S100A8: variants seen among roughly 807,000 people sequenced by gnomAD.
S100A8 encodes protein S100-A8.
In S100A8, 1 loss-of-function variant was observed where a neutral mutation model predicts 4.2. The observed-to-expected ratio is 0.24, with a 90% CI of 0.08 to 1.12. The LOEUF is 1.12. Among genes scored for constraint, S100A8 ranks in the 50% most tolerant of loss-of-function variants. The pLI, the probability that S100A8 is intolerant of heterozygous loss-of-function variation, is 0.53. For missense variants in S100A8, 96 were observed against 111.8 expected, an observed-to-expected ratio of 0.86 and a Z score of 0.64; for synonymous variants, 41 against 44.7, an observed-to-expected ratio of 0.92 and a Z score of 0.33.
At chr1:153,419,438 T>C in the S100A8 span, 1 of 1,105,558 alleles carries the variant, frequency 9.0e-7, no homozygotes, top group Non-Finnish European at 1.3e-6. Context: ...AGGTTAACTT[T>C]GTTGGAGAAT....
chr1:153,411,743 T>C, the S100A8 span, among the ~76,000 whole-genome samples: 1 of 152,212 alleles, frequency 6.6e-6, no homozygotes, highest in African/African-American at 2.4e-5. Flanking sequence ...ACTACAAGGC[T>C]ACAGTAATCA....
At chr1:153,400,005 A>G in the S100A8 span, among the ~76,000 whole-genome samples, 1 of 152,102 alleles carries the variant, frequency 6.6e-6, no homozygotes, top group East Asian at 1.9e-4. Context: ...TACAACTGTG[A>G]CTTTATCCTA....
chr1:153,420,098 T>G, the S100A8 span: 1 of 152,248 alleles, frequency 6.6e-6, no homozygotes, highest in African/African-American at 2.4e-5. Context: ...GCAGTCTGGC[T>G]GGAATAAGGC....
At chr1:153,411,576 A>G in the S100A8 span, among the ~76,000 whole-genome samples, 5 of 152,246 alleles carry the variant, frequency 3.3e-5, no homozygotes, top group South Asian at 2.1e-4. Context: ...TGTAGATTCA[A>G]TGCCATCCCC....
the S100A8 span, among the ~76,000 whole-genome samples, chr1:153,417,678 T>C: frequency 2.0e-5 from 3 of 152,208 alleles, no homozygotes. Context: ...TCACCCCGAC[T>C]GTGAAGCTGG....
chr1:153,394,839 T>C (rs985413798), upstream of S100A8, among the ~76,000 whole-genome samples: 1 of 152,104 alleles, frequency 6.6e-6, no homozygotes. Flanking sequence ...ACCAAGTTTC[T>C]TAAGTGACCC....
At chr1:153,406,476 C>T in the S100A8 span, among the ~76,000 whole-genome samples, 1 of 152,080 alleles carries the variant, frequency 6.6e-6, no homozygotes, top group Non-Finnish European at 1.5e-5. Context: ...TCTCCTGGGG[C>T]CAGAGCATTG....
At chr1:153,417,672 C>T in the S100A8 span, among the ~76,000 whole-genome samples, 1 of 152,312 alleles carries the variant, frequency 6.6e-6, no homozygotes, top group Admixed American at 6.5e-5. Flanking sequence ...TGACTCTCAC[C>T]CCGACTGTGA....
upstream of S100A8, chr1:153,391,311 C>T: frequency 1.8e-6 from 1 of 544,298 alleles, no homozygotes; most frequent in Non-Finnish European, 2.3e-6. Flanking sequence ...GGTAGGGGGG[C>T]TCTTTTTCTG....
chr1:153,394,814 T>C (rs959762445), upstream of S100A8, among the ~76,000 whole-genome samples: 6 of 152,032 alleles, frequency 3.9e-5, no homozygotes, highest in Non-Finnish European at 7.4e-5. Flanking sequence ...AAGGACCAGG[T>C]GGGGAGGGAA....
chr1:153,394,885 A>G (rs975970932), upstream of S100A8, among the ~76,000 whole-genome samples: 1 of 152,116 alleles, frequency 6.6e-6, no homozygotes, highest in Non-Finnish European at 1.5e-5. Context: ...TCACCCCCCA[A>G]CACTCTTTCA....
the S100A8 span, among the ~76,000 whole-genome samples, chr1:153,402,890 A>T: frequency 5.6e-4 from 85 of 152,366 alleles, no homozygotes; most frequent in African/African-American, 2.0e-3. Flanking sequence ...GGTAACTAAG[A>T]TACTGCCTGG....
At chr1:153,403,845 C>G in the S100A8 span, among the ~76,000 whole-genome samples, 13 of 152,106 alleles carry the variant, frequency 8.5e-5, no homozygotes, top group African/African-American at 3.1e-4. Flanking sequence ...ATCGGGGTAT[C>G]GTGCAATTCC....
chr1:153,418,103 G>A, the S100A8 span: 1 of 1,614,136 alleles, frequency 6.2e-7, no homozygotes, highest in Non-Finnish European at 8.5e-7. Context: ...CTCAAGCTGA[G>A]AGGTCCATAA....
At chr1:153,421,974 G>A in the S100A8 span, 1 of 152,342 alleles carries the variant, frequency 6.6e-6, no homozygotes, top group South Asian at 2.1e-4. Flanking sequence ...CCATGCTTAT[G>A]TCAATGCAGG....
At chr1:153,396,007 G>T (rs2101612686), upstream of S100A8, among the ~76,000 whole-genome samples, 1 of 152,360 alleles carries the variant, frequency 6.6e-6, no homozygotes, top group Admixed American at 6.5e-5. Flanking sequence ...CCACCTGTGT[G>T]GTGGGTGAGT....
the S100A8 span, among the ~76,000 whole-genome samples, chr1:153,412,122 A>C: frequency 2.0e-5 from 3 of 152,234 alleles, no homozygotes; most frequent in African/African-American, 4.8e-5. Flanking sequence ...CAAAAGCCAA[A>C]ATTGACAAAT....
At chr1:153,399,879 G>A in the S100A8 span, among the ~76,000 whole-genome samples, 1 of 152,222 alleles carries the variant, frequency 6.6e-6, no homozygotes, top group Non-Finnish European at 1.5e-5. Flanking sequence ...GCCCGGGGCT[G>A]TAAAAGAGCG....
the S100A8 span, among the ~76,000 whole-genome samples, chr1:153,408,803 A>T: frequency 6.6e-6 from 1 of 152,236 alleles, no homozygotes; most frequent in East Asian, 1.9e-4. Context: ...ACAAGCCAGA[A>T]GAGAGTCGGG....
Sources: allele counts gnomAD v4.1 joint callset (sites outside exome capture counted in the v4.1 genomes callset), GRCh38; gene constraint gnomAD v4.1.1; transcripts MANE v1.5; gene names NCBI Gene and HGNC (gene_info 2026-07-23, HGNC 2026-07-21).